TNFSF8: variants seen among roughly 807,000 people sequenced by gnomAD.
The protein encoded by TNFSF8 is TNF superfamily member 8.
TNFSF8 carries 4 observed loss-of-function variants against 22.0 expected under a neutral mutation model. The ratio of observed to expected loss-of-function variants is 0.18; its 90% CI spans 0.09 to 0.42. The LOEUF is 0.42. Among genes scored for constraint, TNFSF8 ranks in the 10% least tolerant of loss-of-function variants. The pLI, the probability that TNFSF8 is intolerant of heterozygous loss-of-function variation, is 1.00. For synonymous variants in TNFSF8, 106 were observed against 112.5 expected (o/e 0.94, Z 0.37); for missense variants, 233 against 281.8 (o/e 0.83, Z 1.24).
chr9:114,901,470 A>T lies in TNFSF8; in HGVS notation c.*2461T>A. 1.0e-6 allele frequency: 1 copy of T among 985,460 alleles called. No individual in the cohort carries two copies. The highest frequency in any genetic ancestry group is 1.2e-6 in the Non-Finnish European group (1 of 829,940). The allele number at this position is 985,460 out of a possible 1,614,324, so 61.0% of individuals were successfully genotyped here. A position where few individuals can be genotyped will look rare whatever the true frequency, so the allele number is the denominator to read the frequency against. On this transcript the variant is annotated 3_prime_UTR_variant, in exon 4 of 4. Transcript: ENST00000223795. ...AGTCAGGTACCTCTGCTCAGAGAAC[A>T]GTTGGTGAAAAATGAAAATGGAATC... is the stretch of plus-strand genomic sequence containing the variant.
Position 114,930,392 on chromosome 9 carries a change from C to T in TNFSF8, c.-89G>A. On this transcript the variant is annotated 5_prime_UTR_variant, in exon 1 of 4. Coordinates refer to ENST00000223795, the MANE Select transcript of TNFSF8 (RefSeq NM_001244.4). ...TCTCTGTTCCAAGAAGGATTCTCCC[C>T]CTGAATCCTGAATCATGTGACTTGG... The T allele has an allele frequency of 9.5e-7, 1 of 1,050,028 alleles. No individual in the cohort carries two copies. Among genetic ancestry groups the T allele is most frequent in the Non-Finnish European group, 1.3e-6 (1 of 782,642 alleles). The allele number at this position is 1,050,028 out of a possible 1,614,324, so 65.0% of individuals were successfully genotyped here.
intron 2 of TNFSF8, among the ~76,000 whole-genome samples, chr9:114,913,922 C>A (rs1272240620): frequency 6.6e-6 from 1 of 152,142 alleles, no homozygotes; most frequent in East Asian, 1.9e-4. Context: ...TGAGGGAGTA[C>A]AAGAAAGAAC....
At position 114,930,241 on chromosome 9, in the gene TNFSF8, A is replaced by G. The variant is rs1273586711; in HGVS notation, c.63T>C (p.His21=). ...GMAPPGDTAM[H]VPAGSVASHL... is the part of the protein sequence containing the mutation. ...GGCTGGCCACGGAGCCCGCCGGCAC[A>G]TGCATGGCTGTGTCTCCAGGAGGGG... Residue 21 remains histidine, a synonymous_variant, in exon 1 of 4, where the codon CAT becomes CAC. Transcript: ENST00000223795. The G allele has an allele frequency of 1.9e-6, 3 of 1,607,154 alleles. No individual in the cohort carries two copies. The highest frequency in any genetic ancestry group is 1.7e-5 in the Admixed American group (1 of 59,068).
chr9:114,927,416 T>C (rs1411700233), intron 1 of TNFSF8, among the ~76,000 whole-genome samples: 2 of 152,190 alleles, frequency 1.3e-5, no homozygotes, highest in African/African-American at 4.8e-5. Flanking sequence ...GCTTTGTTGA[T>C]TTCCCTACAC....
Position 114,903,557 on chromosome 9 carries a change from G to T in TNFSF8, c.*374C>A. ...CCCAGCTCCCCTTCATTTCCCATTA[G>T]GGCAGAGTTGCTAGCTGCTCTGGTA... On this transcript the variant is annotated 3_prime_UTR_variant, in exon 4 of 4. Coordinates refer to ENST00000223795, the MANE Select transcript of TNFSF8 (RefSeq NM_001244.4). 3.6e-6 allele frequency: 1 copy of T among 281,570 alleles called. No individual in the cohort carries two copies. Among genetic ancestry groups the T allele is most frequent in the Non-Finnish European group, 5.5e-6 (1 of 182,324 alleles). The allele number at this position is 281,570 out of a possible 1,614,324, so 17.4% of individuals were successfully genotyped here.
Position 114,902,249 on chromosome 9 carries a change from C to T in TNFSF8, c.*1682G>A, listed in dbSNP as rs928560558. ...AAGTCCTCCTCCCCACTTCCAGGGT[C>T]ATCATTGTCTCTCAACAACTTTGTG... On this transcript the variant is annotated 3_prime_UTR_variant, in exon 4 of 4. Transcript: ENST00000223795. The T allele has an allele frequency of 4.1e-6, 4 of 985,286 alleles. No homozygotes were observed. The highest frequency in any genetic ancestry group is 4.8e-6 in the Non-Finnish European group (4 of 829,930). The allele number at this position is 985,286 out of a possible 1,614,324, so 61.0% of individuals were successfully genotyped here. A position where few individuals can be genotyped will look rare whatever the true frequency, so the allele number is the denominator to read the frequency against.
intron 1 of TNFSF8, among the ~76,000 whole-genome samples, chr9:114,924,729 C>T (rs141588175): frequency 9.1e-4 from 138 of 152,256 alleles, no homozygotes; most frequent in African/African-American, 3.2e-3. Context: ...ACAAACTCCT[C>T]CTTCATCCCA....
At chr9:114,918,192 A>G in intron 1 of TNFSF8, 54 bp from the exon 2 acceptor site, 1 of 1,539,054 alleles carries the variant, frequency 6.5e-7, no homozygotes, top group East Asian at 2.3e-5. Flanking sequence ...AGTTGAAACA[A>G]CTTTTTTTTT....
intron 2 of TNFSF8, among the ~76,000 whole-genome samples, chr9:114,909,617 A>T: frequency 6.6e-6 from 1 of 152,196 alleles, no homozygotes; most frequent in East Asian, 1.9e-4. Flanking sequence ...TACCTAGCTT[A>T]TTTCAGCAGG....
At chr9:114,923,482 C>CTT (rs1433309853) in intron 1 of TNFSF8, among the ~76,000 whole-genome samples, 1 of 64,224 alleles carries the variant, frequency 1.6e-5, no homozygotes, top group Admixed American at 1.7e-4. Context: ...CTTTCTTTTT[C>CTT]TTTCTTTCTT....
At chr9:114,921,370 T>C (rs1827985683) in intron 1 of TNFSF8, among the ~76,000 whole-genome samples, 1 of 152,156 alleles carries the variant, frequency 6.6e-6, no homozygotes, top group African/African-American at 2.4e-5. Flanking sequence ...GCTAATTTTA[T>C]GGAGGAGGAA....
chr9:114,899,134 C>A (rs1827688511), downstream of TNFSF8, among the ~76,000 whole-genome samples: 1 of 152,160 alleles, frequency 6.6e-6, no homozygotes, highest in Non-Finnish European at 1.5e-5. Flanking sequence ...CACAGCTGTC[C>A]TTGCTAGCTG....
intron 2 of TNFSF8, among the ~76,000 whole-genome samples, chr9:114,915,090 C>T (rs568611600): frequency 8.0e-4 from 122 of 152,224 alleles, no homozygotes; most frequent in Admixed American, 2.0e-3. Context: ...CCACATGCTG[C>T]CCCTGAAGCT....
downstream of TNFSF8, chr9:114,901,120 A>G: frequency 2.0e-6 from 2 of 985,328 alleles, no homozygotes; most frequent in Non-Finnish European, 2.4e-6. Context: ...TTTACCAAAG[A>G]GGCATATGTT....
intron 3 of TNFSF8, 88 bp downstream of exon 3, chr9:114,905,740 C>A: frequency 3.9e-6 from 4 of 1,038,708 alleles, no homozygotes; most frequent in Non-Finnish European, 6.0e-6. Context: ...GGCCATGGGA[C>A]TCTAATTATG....
At chr9:114,926,837 G>T (rs1183946031) in intron 1 of TNFSF8, among the ~76,000 whole-genome samples, 1 of 151,696 alleles carries the variant, frequency 6.6e-6, no homozygotes, top group Non-Finnish European at 1.5e-5. Flanking sequence ...GGTGGGGAAG[G>T]TGTGAAGATT....
chr9:114,895,338 C>T (rs1271294143), intron 4 of TNFSF8, among the ~76,000 whole-genome samples: 1 of 152,162 alleles, frequency 6.6e-6, no homozygotes, highest in Non-Finnish European at 1.5e-5. Context: ...ATCAGTGCTG[C>T]TTCTAGAGAG....
intron 2 of TNFSF8, among the ~76,000 whole-genome samples, chr9:114,906,916 A>G (rs1827792289): frequency 6.6e-6 from 1 of 152,206 alleles, no homozygotes; most frequent in Non-Finnish European, 1.5e-5. Context: ...TTGACCTGAC[A>G]TGGACATCTT....
rs1052422728 is a variant in TNFSF8, at chr9:114,909,949, A to G, written c.239-4050T>C. ...CCATGTGCTCCTCAATGTTGCCCCT[A>G]TGGCAGGCTGATCCTAGGTCATCCA... is the stretch of plus-strand genomic sequence containing the variant. On this transcript the variant is annotated intron_variant, in intron 2 of 3. Transcript: ENST00000223795. Among the ~76,000 whole-genome samples the G allele has an allele frequency of 4.6e-5, 7 of 152,182 alleles. No individual in the cohort carries two copies. The East Asian group carries it at 1.3e-3, about 29-fold the overall frequency.
Sources: allele counts gnomAD v4.1 joint callset (sites outside exome capture counted in the v4.1 genomes callset), GRCh38; gene constraint gnomAD v4.1.1; transcripts MANE v1.5; gene names NCBI Gene and HGNC (gene_info 2026-07-23, HGNC 2026-07-21).